DTD1: variants seen among roughly 807,000 people sequenced by gnomAD.
The protein encoded by DTD1 is D-aminoacyl-tRNA deacylase 1.
DTD1 carries 13 observed loss-of-function variants against 25.6 expected under a neutral mutation model. That is an observed-to-expected ratio of 0.51 (90% CI 0.33 to 0.81). The LOEUF (loss-of-function observed/expected upper bound fraction) is 0.81, where lower values mean the gene tolerates loss of function less well. Among genes scored for constraint, DTD1 ranks in the 30% least tolerant of loss-of-function variants. The pLI is 0.02. For missense variants in DTD1, 193 were observed against 266.4 expected (o/e 0.72, Z 1.92); for synonymous variants, 110 against 103.6 (o/e 1.06, Z -0.37).
intron 4 of DTD1, among the ~76,000 whole-genome samples, chr20:18,730,334 G>C (rs967885763): frequency 6.6e-6 from 1 of 152,166 alleles, no homozygotes; most frequent in Non-Finnish European, 1.5e-5. Flanking sequence ...ATGGGTGTGA[G>C]TGCTGGGTCA....
rs1255976825 is a variant in DTD1 at position 18,596,141 on chromosome 20, G to A, written c.270G>A (p.Lys90=). ...FTLQCVLKGN[K]PDFHLAMPTE... ...TCCAGTGTGTCCTGAAGGGAAACAA[G>A]CCTGATTTCCACCTAGCAATGCCCA... The change falls in exon 3 of 6, where the codon AAG becomes AAA. Residue 90 remains lysine, a synonymous_variant. Coordinates refer to ENST00000377452, the MANE Select transcript of DTD1 (RefSeq NM_080820.6). 1 of 1,614,158 alleles carries A rather than the reference G, an allele frequency of 6.2e-7. No homozygotes were observed. The highest frequency in any genetic ancestry group is 1.1e-5 in the South Asian group (1 of 91,082).
At chr20:18,741,664 C>T (rs2061278615) in intron 4 of DTD1, among the ~76,000 whole-genome samples, 1 of 151,974 alleles carries the variant, frequency 6.6e-6, no homozygotes, top group Admixed American at 6.6e-5. Flanking sequence ...CTGTATATAG[C>T]CTTCTGAAGC....
chr20:18,701,833 C>T (rs1490503229), intron 4 of DTD1, among the ~76,000 whole-genome samples: 2 of 152,212 alleles, frequency 1.3e-5, no homozygotes, highest in African/African-American at 4.8e-5. Flanking sequence ...TTAAGTCTCT[C>T]GAATTGCCGA....
intron 4 of DTD1, among the ~76,000 whole-genome samples, chr20:18,728,995 G>A (rs1455698938): frequency 6.6e-6 from 1 of 152,184 alleles, no homozygotes; most frequent in Non-Finnish European, 1.5e-5. Flanking sequence ...CCAAACCTAC[G>A]GCCGATGCTT....
At chr20:18,621,292 T>C (rs2060732877) in intron 3 of DTD1, among the ~76,000 whole-genome samples, 1 of 152,216 alleles carries the variant, frequency 6.6e-6, no homozygotes, top group Non-Finnish European at 1.5e-5. Context: ...TAGGCATTTT[T>C]GGCAGGAACA....
At chr20:18,704,600 G>A (rs756097025) in intron 4 of DTD1, among the ~76,000 whole-genome samples, 10 of 152,072 alleles carry the variant, frequency 6.6e-5, no homozygotes, top group South Asian at 2.1e-4. Context: ...GCCATGGTTC[G>A]CACCCATTTT....
In DTD1 at chr20:18,673,745, C is replaced by T. The variant is rs78894636; in HGVS notation, c.477+45512C>T. ...AGAGGTAGTTGTGTGGCTGTGTGGG[C>T]CTAGAGTGTGTTTCAGCCGAGAGTC... On this transcript the variant is annotated intron_variant, in intron 4 of 5. Transcript: ENST00000377452. 2.2e-4 allele frequency among the ~76,000 whole-genome samples: 34 copies of T among 152,126 alleles called. No homozygotes were observed. In the East Asian group the frequency reaches 6.2e-3, roughly 28 times the overall value.
Position 18,632,965 on chromosome 20 carries a change from A to C in DTD1, c.477+4732A>C, listed in dbSNP as rs192600819. ...TGGTGTGCTAGGCACTGTGAGGAAGAGAAGGAACTGCTGCTGCCCAGCCTG... is the reference window on the plus strand; with the variant it reads ...TGGTGTGCTAGGCACTGTGAGGAAGCGAAGGAACTGCTGCTGCCCAGCCTG... On this transcript the variant is annotated intron_variant, in intron 4 of 5. Transcript: ENST00000377452. 2.5e-3 allele frequency among the ~76,000 whole-genome samples: 386 copies of C among 152,326 alleles called. 2 individuals carry two copies. Among genetic ancestry groups the C allele is most frequent in the Middle Eastern group, 0.017 (5 of 292 alleles).
At chr20:18,760,101 C>G (rs1484488231) in intron 5 of DTD1, among the ~76,000 whole-genome samples, 2 of 152,178 alleles carry the variant, frequency 1.3e-5, no homozygotes, top group Non-Finnish European at 2.9e-5. Flanking sequence ...CCTTTAAGGA[C>G]TTCTCTGCAT....
intron 5 of DTD1, among the ~76,000 whole-genome samples, chr20:18,756,670 T>C (rs1181052790): frequency 1.3e-5 from 2 of 152,042 alleles, no homozygotes; most frequent in Non-Finnish European, 2.9e-5. Flanking sequence ...TTGGTTACTG[T>C]AGCCTTGTAG....
chr20:18,637,497 G>C (rs999278541), intron 4 of DTD1, among the ~76,000 whole-genome samples: 4 of 152,226 alleles, frequency 2.6e-5, no homozygotes, highest in African/African-American at 9.6e-5. Context: ...TGCTCAATGA[G>C]TGTGCAAGAT....
In DTD1 at chr20:18,628,236, AAGCCTGG is replaced by A. The variant is rs1423763073; in HGVS notation, c.477+6_477+12del. 1 of 1,611,874 alleles carries A rather than the reference AAGCCTGG, an allele frequency of 6.2e-7. No individual in the cohort carries two copies. Among genetic ancestry groups the A allele is most frequent in the African/African-American group, 1.3e-5 (1 of 74,888 alleles). Reference sequence around the variant, plus strand: ...CTGCTACCTCTGACCCAAAGCAGGTAAGCCTGGAGTCTGGTGCCTGGCTCCGTCCCTT... The same window carrying A: ...CTGCTACCTCTGACCCAAAGCAGGTAAGTCTGGTGCCTGGCTCCGTCCCTT... On this transcript the variant is annotated splice_donor_5th_base_variant and intron_variant, in intron 4 of 5. Transcript: ENST00000377452.
chr20:18,628,061 A>C, intron 3 of DTD1, 66 bp from the exon 4 acceptor site: 2 of 1,303,286 alleles, frequency 1.5e-6, no homozygotes, highest in South Asian at 2.4e-5. Flanking sequence ...GAACTAATAC[A>C]GTGTGCTTTT....
At chr20:18,754,678 A>G (rs1489889870) in intron 5 of DTD1, among the ~76,000 whole-genome samples, 2 of 152,250 alleles carry the variant, frequency 1.3e-5, no homozygotes, top group Non-Finnish European at 2.9e-5. Context: ...GCTTCCAGCT[A>G]TGTGAGCTGC....
At chr20:18,671,588 CTT>C (rs1241493459) in intron 4 of DTD1, among the ~76,000 whole-genome samples, 1 of 152,216 alleles carries the variant, frequency 6.6e-6, no homozygotes, top group East Asian at 1.9e-4. Context: ...ATGGTCATCT[CTT>C]TTACTTTTCA....
Position 18,621,921 on chromosome 20 carries a change from G to A in DTD1, c.371-6206G>A, listed in dbSNP as rs184179802. The stretch of plus-strand genomic sequence containing the variant: ...CTACTAAAAATACAAAAAATTAGCC[G>A]GGCATGGTGGTGGGCGCCTGTAGTC... On this transcript the variant is annotated intron_variant, in intron 3 of 5. Transcript: ENST00000377452. Among the ~76,000 whole-genome samples the A allele has an allele frequency of 2.6e-5, 4 of 152,160 alleles. No homozygotes were observed. In the South Asian group the frequency reaches 8.3e-4, roughly 32 times the overall value.
intron 3 of DTD1, among the ~76,000 whole-genome samples, chr20:18,616,614 C>T (rs1415911689): frequency 6.6e-6 from 1 of 151,636 alleles, no homozygotes; most frequent in Non-Finnish European, 1.5e-5. Flanking sequence ...ATAGCAAGAC[C>T]CCATCTCTAA....
intron 1 of DTD1, among the ~76,000 whole-genome samples, chr20:18,593,171 G>A (rs879851323): frequency 4.6e-5 from 7 of 152,032 alleles, no homozygotes; most frequent in Non-Finnish European, 8.8e-5. Flanking sequence ...ACTAAACTGG[G>A]AAATAATAGC....
At chr20:18,682,063 T>G (rs2060999733) in intron 4 of DTD1, among the ~76,000 whole-genome samples, 1 of 152,160 alleles carries the variant, frequency 6.6e-6, no homozygotes, top group Non-Finnish European at 1.5e-5. Flanking sequence ...CAGTACAGTG[T>G]TATTTGAAGG....
Sources: gnomAD v4.1 joint callset for allele counts (sites outside exome capture counted in the v4.1 genomes callset) on GRCh38, gnomAD v4.1.1 for gene constraint, MANE v1.5 for transcripts, NCBI Gene and HGNC (gene_info 2026-07-23, HGNC 2026-07-21) for gene names.